Variants in KDM3B observed in about 807,000 individuals in gnomAD.
KDM3B encodes the protein lysine-specific demethylase 3B.
In KDM3B, 10 loss-of-function variants were observed where a neutral mutation model predicts 170.0. The observed-to-expected ratio is 0.06, with a 90% CI of 0.04 to 0.10. The LOEUF (loss-of-function observed/expected upper bound fraction) is 0.10. Ranked by LOEUF, KDM3B falls within the 10% of genes least tolerant of loss-of-function variation. KDM3B has a pLI of 1.00. For missense variants in KDM3B, 1,394 were observed against 2,195.2 expected (o/e 0.64, Z 7.29); for synonymous variants, 831 against 834.8 (o/e 1.00, Z 0.08).
intron 23 of KDM3B, among the ~76,000 whole-genome samples, chr5:138,434,926 A>G (rs1013057394): frequency 6.6e-6 from 1 of 152,170 alleles, no homozygotes; most frequent in African/African-American, 2.4e-5. Context: ...ATATACAGCA[A>G]CTACATGGTT....
intron 1 of KDM3B, among the ~76,000 whole-genome samples, chr5:138,368,274 C>T (rs1412959239): frequency 6.6e-6 from 1 of 150,608 alleles, no homozygotes; most frequent in Non-Finnish European, 1.5e-5. Context: ...ACTCTGTTGC[C>T]CAGGCTGGAG....
At chr5:138,381,013 T>G (rs1323540397) in intron 5 of KDM3B, among the ~76,000 whole-genome samples, 1 of 152,108 alleles carries the variant, frequency 6.6e-6, no homozygotes, top group Non-Finnish European at 1.5e-5. Context: ...TCGCTGAGAT[T>G]ACAGACACGC....
rs1763613776 is a variant in KDM3B at position 138,434,220 on chromosome 5, A to G, written c.5206-1400A>G. Among the ~76,000 whole-genome samples, 3 of 151,982 alleles carry G rather than the reference A, an allele frequency of 2.0e-5. No homozygotes were observed. In the South Asian group the frequency reaches 6.3e-4, roughly 32 times the overall value. On this transcript the variant is annotated intron_variant, in intron 23 of 23. Transcript: ENST00000314358. ...TCTCGTGACCTATGATCACCCCACT[A>G]CACTCCAGCCTGGGCAACAGACTCT...
chr5:138,389,298 G>A (rs1470069516), intron 7 of KDM3B, among the ~76,000 whole-genome samples: 1 of 152,186 alleles, frequency 6.6e-6, no homozygotes, highest in Non-Finnish European at 1.5e-5. Flanking sequence ...AGCCTAGGTG[G>A]CCTGCTTGAT....
At chr5:138,418,621 C>T (rs1049951498) in intron 13 of KDM3B, among the ~76,000 whole-genome samples, 11 of 151,972 alleles carry the variant, frequency 7.2e-5, no homozygotes, top group African/African-American at 2.4e-4. Flanking sequence ...TATGCTAAGC[C>T]CTTTGCATAT....
chr5:138,380,860 G>A (rs1232452369), intron 5 of KDM3B, among the ~76,000 whole-genome samples: 1 of 151,208 alleles, frequency 6.6e-6, no homozygotes, highest in African/African-American at 2.4e-5. Flanking sequence ...ACCATGCCCA[G>A]CCTGGAGTGA....
intron 1 of KDM3B, among the ~76,000 whole-genome samples, chr5:138,356,681 C>A: frequency 7.3e-6 from 1 of 136,114 alleles, no homozygotes; most frequent in African/African-American, 2.8e-5. Flanking sequence ...CTCGCTGTGT[C>A]ACCCAGGCTG....
At chr5:138,431,272 T>C (rs1313269769) in intron 22 of KDM3B, among the ~76,000 whole-genome samples, 153 bp from the exon 23 acceptor site, 2 of 152,218 alleles carry the variant, frequency 1.3e-5, no homozygotes, top group African/African-American at 4.8e-5. Flanking sequence ...CTTTTATTTA[T>C]ACATTTGCAC....
chr5:138,397,916 C>G, intron 9 of KDM3B: 1 of 293,710 alleles, frequency 3.4e-6, no homozygotes, highest in Non-Finnish European at 6.3e-6. Context: ...TCACATTCAG[C>G]AGTATGGGTG....
At chr5:138,353,446 G>A (rs1449772505) in intron 1 of KDM3B, among the ~76,000 whole-genome samples, 1 of 152,214 alleles carries the variant, frequency 6.6e-6, no homozygotes, top group East Asian at 1.9e-4. Flanking sequence ...CGGGAATGTG[G>A]GCAGTTATGG....
At chr5:138,419,783 A>G (rs1763224707) in intron 14 of KDM3B, among the ~76,000 whole-genome samples, 1 of 146,286 alleles carries the variant, frequency 6.8e-6, no homozygotes, top group Non-Finnish European at 1.5e-5. Context: ...ATGAGGGACT[A>G]CCTTTCAACT....
At chr5:138,374,637 A>G (rs1416857920) in intron 2 of KDM3B, among the ~76,000 whole-genome samples, 1 of 152,202 alleles carries the variant, frequency 6.6e-6, no homozygotes, top group Non-Finnish European at 1.5e-5. Flanking sequence ...AGGTCTCTTC[A>G]TGACTTTTTT....
intron 11 of KDM3B, among the ~76,000 whole-genome samples, chr5:138,405,634 G>A (rs1338576344): frequency 6.6e-6 from 1 of 152,148 alleles, no homozygotes; most frequent in Non-Finnish European, 1.5e-5. Context: ...AGAAGAAAAT[G>A]AAATGGAAAT....
intron 6 of KDM3B, among the ~76,000 whole-genome samples, chr5:138,384,564 C>G (rs1418026986): frequency 1.3e-5 from 2 of 151,634 alleles, no homozygotes. Context: ...ATGGTGAAAC[C>G]CTGTCTCTAC....
At chr5:138,370,015 T>G (rs1761834617) in intron 1 of KDM3B, among the ~76,000 whole-genome samples, 1 of 152,202 alleles carries the variant, frequency 6.6e-6, no homozygotes, top group South Asian at 2.1e-4. Context: ...TATGCTGCCT[T>G]TCTTGGTGCC....
rs954988112 is a variant in KDM3B at position 138,386,167 on chromosome 5, T to C, written c.926T>C (p.Val309Ala). 1 of 1,613,672 alleles carries C rather than the reference T, an allele frequency of 6.2e-7. No individual in the cohort carries two copies. Among genetic ancestry groups the C allele is most frequent in the Non-Finnish European group, 8.5e-7 (1 of 1,179,938 alleles). Residue 309 changes from valine (V) to alanine (A), a missense_variant, in exon 7 of 24, where the codon GTA becomes GCA. This residue lies in a region of KDM3B where 205 missense variants were observed against 227.6 expected (regional missense o/e 0.90). Coordinates refer to ENST00000314358, the MANE Select transcript of KDM3B (RefSeq NM_016604.4). The part of the protein sequence containing the change: ...SKKLKGDRGE[V>A]DSNGSDGGEA... ...AAATTAAAAGGAGACAGGGGTGAAG[T>C]AGACAGTAATGGGAGCGATGGAGGT...
At chr5:138,362,996 C>G (rs1761653157) in intron 1 of KDM3B, among the ~76,000 whole-genome samples, 1 of 151,784 alleles carries the variant, frequency 6.6e-6, no homozygotes, top group East Asian at 1.9e-4. Context: ...TCACTGGGTT[C>G]TGGGTATTTA....
chr5:138,370,889 A>G (rs747423981), intron 1 of KDM3B, among the ~76,000 whole-genome samples: 3 of 151,398 alleles, frequency 2.0e-5, no homozygotes, highest in Non-Finnish European at 4.4e-5. Flanking sequence ...GCTCACTGCA[A>G]CCTCCGCCTC....
At chr5:138,405,524 G>A (rs923965713) in intron 11 of KDM3B, among the ~76,000 whole-genome samples, 1 of 151,572 alleles carries the variant, frequency 6.6e-6, no homozygotes. Context: ...AAAAAAAAAC[G>A]AGTGACCATT....
Sources: allele counts gnomAD v4.1 joint callset (sites outside exome capture counted in the v4.1 genomes callset), GRCh38; gene constraint gnomAD v4.1.1; regional missense constraint gnomAD v4.1.1; transcripts MANE v1.5; gene names NCBI Gene and HGNC (gene_info 2026-07-23, HGNC 2026-07-21).